Variants in IGF2R observed in about 807,000 individuals in gnomAD.
IGF2R encodes cation-independent mannose-6-phosphate receptor.
In IGF2R, 91 loss-of-function variants were observed where a neutral mutation model predicts 270.6. The observed-to-expected ratio is 0.34, with a 90% CI of 0.28 to 0.40. IGF2R has a LOEUF of 0.40. IGF2R is among the 10% of genes least tolerant of loss of function. IGF2R has a pLI of 1.00. For synonymous variants in IGF2R, 1,316 were observed against 1,258.9 expected, an observed-to-expected ratio of 1.05 and a Z score of -0.96; for missense variants, 2,805 against 3,188.3, an observed-to-expected ratio of 0.88 and a Z score of 2.90.
intron 45 of IGF2R, among the ~76,000 whole-genome samples, chr6:160,099,920 A>G (rs1466821888): frequency 6.6e-6 from 1 of 152,240 alleles, no homozygotes; most frequent in Admixed American, 6.5e-5. Context: ...GAAAAGGTAG[A>G]GTTCCTAATT....
chr6:160,103,361 A>G (rs536285012), intron 46 of IGF2R, among the ~76,000 whole-genome samples: 42 of 151,464 alleles, frequency 2.8e-4, no homozygotes, highest in African/African-American at 1.0e-3. Flanking sequence ...TCTACACCCA[A>G]AATGCAGAAT....
In IGF2R at chr6:160,102,849, T is replaced by C. The variant is rs770185705; in HGVS notation, c.6995+178T>C. Among the ~76,000 whole-genome samples the C allele has an allele frequency of 6.6e-5, 10 of 152,206 alleles. No individual in the cohort carries two copies. The highest frequency in any genetic ancestry group is 1.3e-4 in the Admixed American group (2 of 15,290). Reference sequence around the variant, plus strand: ...CCCAGCGTTGTGGTTTTTAAATGCCTGCATTTCTGTCTGACCAAGGCCGAG... The same window carrying C: ...CCCAGCGTTGTGGTTTTTAAATGCCCGCATTTCTGTCTGACCAAGGCCGAG... On this transcript the variant is annotated intron_variant, in intron 46 of 47. Coordinates refer to ENST00000356956, the MANE Select transcript of IGF2R (RefSeq NM_000876.4). The surrounding 1 kb of genome is among the most constrained non-coding windows in gnomAD (Gnocchi z 4.5).
At position 159,998,030 on chromosome 6, in the gene IGF2R, A is replaced by G. The variant is rs3777415; in HGVS notation, c.289+6707A>G. On this transcript the variant is annotated intron_variant, in intron 2 of 47. Transcript: ENST00000356956. This position sits in a 1 kb window ranked among gnomAD's most constrained non-coding sequence, Gnocchi z 4.1. Reference sequence around the variant, plus strand: ...GCCTGGGATTGAGATCTGAGAAAGCACTAGATTGTTGTGAATTCTTGGGTC... The same window carrying G: ...GCCTGGGATTGAGATCTGAGAAAGCGCTAGATTGTTGTGAATTCTTGGGTC... Among the ~76,000 whole-genome samples the G allele has an allele frequency of 2.6e-3, 399 of 152,314 alleles. 12 individuals are homozygous for G. The East Asian group carries it at 0.067, about 26-fold the overall frequency.
chr6:160,049,114 T>C (rs775189830), intron 18 of IGF2R, among the ~76,000 whole-genome samples: 21 of 152,194 alleles, frequency 1.4e-4, no homozygotes, highest in Non-Finnish European at 1.6e-4. Context: ...AATGTACTTT[T>C]CTTGGTGTAT....
intron 1 of IGF2R, among the ~76,000 whole-genome samples, chr6:159,980,155 T>G (rs1459079343): frequency 1.4e-5 from 2 of 140,186 alleles, no homozygotes; most frequent in African/African-American, 5.4e-5. Flanking sequence ...CACTCCAGCC[T>G]GGGCAACACA....
At position 159,993,315 on chromosome 6, in the gene IGF2R, A is replaced by C. The variant is rs558611130; in HGVS notation, c.289+1992A>C. Among the ~76,000 whole-genome samples, 10 of 152,286 alleles carry C rather than the reference A, an allele frequency of 6.6e-5. No individual in the cohort carries two copies. In the East Asian group the frequency reaches 1.9e-3, roughly 29 times the overall value. On this transcript the variant is annotated intron_variant, in intron 2 of 47. Transcript: ENST00000356956. ...AGTTATGAAATCTTTGTCTAGGCCA[A>C]TGTCCAGGAGAGTGTTTCCTGGGTT...
rs1355776643 is a variant in IGF2R at position 160,048,549 on chromosome 6, T to C, written c.2514+6T>C. On this transcript the variant is annotated splice_donor_region_variant and intron_variant, in intron 18 of 47. Transcript: ENST00000356956. ...TGAAGTATGAAAAAGATCAGGTGAA[T>C]CTGTTTTCACTGCTTGTCTCCTTTG... The C allele has an allele frequency of 6.2e-7, 1 of 1,612,500 alleles. No individual in the cohort carries two copies. The highest frequency in any genetic ancestry group is 1.3e-5 in the African/African-American group (1 of 74,828).
chr6:160,027,654 T>C (rs967777611), intron 6 of IGF2R, among the ~76,000 whole-genome samples: 2 of 152,228 alleles, frequency 1.3e-5, no homozygotes, highest in Admixed American at 6.5e-5. Flanking sequence ...TTGTGTCCAT[T>C]GTGTTCTCAT....
chr6:160,051,464 A>G (rs1165147255), intron 19 of IGF2R, among the ~76,000 whole-genome samples: 1 of 152,184 alleles, frequency 6.6e-6, no homozygotes, highest in African/African-American at 2.4e-5. Context: ...GGGTGGAGGT[A>G]ACAAGGCACG....
intron 44 of IGF2R, 26 bp from the exon 45 acceptor site, chr6:160,096,413 C>G: frequency 6.3e-7 from 1 of 1,591,600 alleles, no homozygotes; most frequent in Non-Finnish European, 8.6e-7. Context: ...TGGTGACATG[C>G]CATGTGTGCC....
At chr6:160,035,255 C>A (rs968240998) in intron 10 of IGF2R, among the ~76,000 whole-genome samples, 1 of 152,186 alleles carries the variant, frequency 6.6e-6, no homozygotes, top group African/African-American at 2.4e-5. Flanking sequence ...CTAAGTGCTG[C>A]CCCACCCAGA....
chr6:160,050,589 C>T lies in IGF2R; in HGVS notation c.2631C>T (p.Thr877=), dbSNP rs756119027. 6.2e-7 allele frequency: 1 copy of T among 1,613,998 alleles called. No individual in the cohort carries two copies. The highest frequency in any genetic ancestry group is 1.3e-5 in the African/African-American group (1 of 74,926). ...ACGTGAATGGGTCGGCCTGCACCACCAGCGATGGCAGACAGACCACATATA... is the reference window on the plus strand; with the variant it reads ...ACGTGAATGGGTCGGCCTGCACCACTAGCGATGGCAGACAGACCACATATA... ...LEYVNGSACT[T]SDGRQTTYTT... Residue 877 remains threonine, a synonymous_variant, in exon 19 of 48, where the codon ACC becomes ACT. Coordinates refer to ENST00000356956, the MANE Select transcript of IGF2R (RefSeq NM_000876.4). This position sits in a 1 kb window ranked among gnomAD's most constrained non-coding sequence, Gnocchi z 4.0.
chr6:160,031,347 A>T (rs901411454), intron 7 of IGF2R, among the ~76,000 whole-genome samples: 7 of 152,174 alleles, frequency 4.6e-5, no homozygotes, highest in Non-Finnish European at 1.0e-4. Context: ...CATACTGTAA[A>T]GTTCAGTTTT....
Position 160,106,333 on chromosome 6 carries a change from GACTT to G in IGF2R, c.*1250_*1253del, listed in dbSNP as rs1265976908. ...GCCTTTCCTGCCATGTTTAGTGAAT[GACTT>G]TTCTCGCATTGTAGAATTGTATATA... is the stretch of plus-strand genomic sequence containing the variant. On this transcript the variant is annotated 3_prime_UTR_variant, in exon 48 of 48. Transcript: ENST00000356956. 1 of 152,782 alleles carries G rather than the reference GACTT, an allele frequency of 6.5e-6. No homozygotes were observed. Among genetic ancestry groups the G allele is most frequent in the Admixed American group, 6.5e-5 (1 of 15,298 alleles). 9.5% of individuals were successfully genotyped at this position (152,782 alleles called of 1,614,324 possible). A position where few individuals can be genotyped will look rare whatever the true frequency, so the allele number is the denominator to read the frequency against.
rs1361366414 is a variant in IGF2R at position 160,001,181 on chromosome 6, G to C, written c.290-7829G>C. ...GAGTGAAGCTTCGTCTGTATTTACAGCCGCTCCCCATTGCTTGCACTACTG... is the reference window on the plus strand; with the variant it reads ...GAGTGAAGCTTCGTCTGTATTTACACCCGCTCCCCATTGCTTGCACTACTG... On this transcript the variant is annotated intron_variant, in intron 2 of 47. Transcript: ENST00000356956. 2.6e-5 allele frequency among the ~76,000 whole-genome samples: 4 copies of C among 152,222 alleles called. No individual in the cohort carries two copies. In the East Asian group the frequency reaches 7.7e-4, roughly 29 times the overall value.
At chr6:160,040,882 G>A (rs945844988) in intron 11 of IGF2R, among the ~76,000 whole-genome samples, 158 bp downstream of exon 11, 3 of 145,426 alleles carry the variant, frequency 2.1e-5, no homozygotes, top group Non-Finnish European at 3.1e-5. Context: ...ATTAGAAGGA[G>A]CATTGGACTG....
chr6:160,079,859 G>C, intron 38 of IGF2R, 72 bp downstream of exon 38: 1 of 1,343,286 alleles, frequency 7.4e-7, no homozygotes, highest in Non-Finnish European at 1.0e-6. Context: ...GCAGCAGAAA[G>C]AAGCTGCGGA....
At chr6:160,096,685 G>A (rs989324609) in intron 45 of IGF2R, 60 bp downstream of exon 45, 11 of 1,331,476 alleles carry the variant, frequency 8.3e-6, no homozygotes, top group Non-Finnish European at 1.1e-5. Context: ...AAGAATAAGT[G>A]TATGTGTGTT....
At chr6:160,033,482 C>T (rs139685222) in intron 9 of IGF2R, among the ~76,000 whole-genome samples, 57 of 152,324 alleles carry the variant, frequency 3.7e-4, no homozygotes, top group African/African-American at 1.3e-3. Context: ...AACATAACTC[C>T]CTCTCCTTTT....
Sources: allele counts gnomAD v4.1 joint callset (sites outside exome capture counted in the v4.1 genomes callset), GRCh38; gene constraint gnomAD v4.1.1; non-coding constraint Gnocchi (gnomAD v3.1); transcripts MANE v1.5; gene names NCBI Gene and HGNC (gene_info 2026-07-23, HGNC 2026-07-21).